The following SERPINB6 variants were observed in gnomAD, a reference collection of about 807,000 sequenced individuals.
SERPINB6 encodes serpin B6.
Under a neutral mutation model 26.1 loss-of-function variants are expected in SERPINB6, and 16 were observed. The observed-to-expected ratio is 0.61, with a 90% CI of 0.42 to 0.93. The LOEUF is 0.93. SERPINB6 is among the 40% of genes least tolerant of loss of function. The pLI, the probability that SERPINB6 is intolerant of heterozygous loss-of-function variation, is 0.00. For missense variants in SERPINB6, 420 were observed against 478.0 expected (o/e 0.88, Z 1.13); for synonymous variants, 174 against 176.6 (o/e 0.99, Z 0.11).
intron 3 of SERPINB6, chr6:2,955,233 G>C (rs983100335): frequency 7.9e-6 from 3 of 379,446 alleles, no homozygotes; most frequent in Non-Finnish European, 1.4e-5. Flanking sequence ...ACACTAAGTT[G>C]AATCAGTCTC....
chr6:2,970,154 G>C, intron 1 of SERPINB6: 5 of 985,176 alleles, frequency 5.1e-6, no homozygotes, highest in Non-Finnish European at 6.0e-6. Context: ...TCTTCCCTGG[G>C]ACCGTACAAC....
intron 2 of SERPINB6, chr6:2,957,365 C>A (rs1770616813): frequency 6.6e-6 from 1 of 152,208 alleles, no homozygotes. Context: ...GAACTATTTC[C>A]AATCCAGGAT....
chr6:2,948,214 G>A lies in SERPINB6; in HGVS notation c.*84C>T, dbSNP rs1383482061. 33 of 1,538,660 alleles carry A rather than the reference G, an allele frequency of 2.1e-5. No homozygotes were observed. Among genetic ancestry groups the A allele is most frequent in the Non-Finnish European group, 2.8e-5 (31 of 1,113,724 alleles). Reference sequence around the variant, plus strand: ...ATTTCTGAACTGCCACCACTGCACGGATAAGGCCACTTGGGTTGCAGGCAC... The same window carrying A: ...ATTTCTGAACTGCCACCACTGCACGAATAAGGCCACTTGGGTTGCAGGCAC... On this transcript the variant is annotated 3_prime_UTR_variant, in exon 7 of 7. Coordinates refer to ENST00000380539, the MANE Select transcript of SERPINB6 (RefSeq NM_004568.6). The surrounding 1 kb of genome is among the most constrained non-coding windows in gnomAD (Gnocchi z 5.0).
chr6:2,959,407 C>G (rs1770859707), intron 1 of SERPINB6, 65 bp from the exon 2 acceptor site: 1 of 1,551,872 alleles, frequency 6.4e-7, no homozygotes, highest in Admixed American at 1.7e-5. Context: ...TCTCACGCGC[C>G]TTACCGACAG....
At chr6:2,958,597 C>T (rs1247032941) in intron 2 of SERPINB6, among the ~76,000 whole-genome samples, 1 of 152,112 alleles carries the variant, frequency 6.6e-6, no homozygotes, top group African/African-American at 2.4e-5. Context: ...GGAGAAGACG[C>T]CCAGCGCCCC....
chr6:2,948,918 C>T lies in SERPINB6; in HGVS notation c.725G>A (p.Arg242Lys), dbSNP rs187482841. Residue 242 changes from arginine (R) to lysine (K), a missense_variant, in exon 6 of 7, where the codon AGA (arginine) becomes AAA (lysine). By Grantham distance (26) the Arg-to-Lys change is conservative (BLOSUM62 2). Coordinates refer to ENST00000380539, the MANE Select transcript of SERPINB6 (RefSeq NM_004568.6). This position sits in a 1 kb window ranked among gnomAD's most constrained non-coding sequence, Gnocchi z 5.0. ...IMLPDETTDL[R>K]TVEKELTYEK... ...CGCTCACAGCTTAGCTGTTACCGTT[C>T]TCAAGTCAGTGGTCTCGTCCGGAAG... The T allele has an allele frequency of 3.4e-4, 556 of 1,614,208 alleles. 5 individuals are homozygous for T. The East Asian group carries it at 9.4e-3, about 27-fold the overall frequency.
intron 1 of SERPINB6, chr6:2,966,955 T>TG (rs1470891851): frequency 3.0e-6 from 3 of 985,314 alleles, no homozygotes; most frequent in Non-Finnish European, 3.6e-6. Flanking sequence ...AAGCCTAGCT[T>TG]GGGAAAAAAA....
chr6:2,965,128 T>G (rs551369240), intron 1 of SERPINB6, among the ~76,000 whole-genome samples: 2 of 152,388 alleles, frequency 1.3e-5, no homozygotes, highest in South Asian at 2.1e-4. Context: ...CCTTTTTATG[T>G]AATGCTGATT....
chr6:2,954,699 T>C lies in SERPINB6; in HGVS notation c.323A>G (p.Asp108Gly). 1.2e-6 allele frequency: 2 copies of C among 1,613,344 alleles called. No individual in the cohort carries two copies. Among genetic ancestry groups the C allele is most frequent in the Non-Finnish European group, 1.7e-6 (2 of 1,179,418 alleles). ...TGCTTGGTAGAATTTTTGGCAGGAA[T>C]CTCTAAAAGACTAGGATAGACAGAG... ...KSCDFLSSFR[D>G]SCQKFYQAEM... The change falls in exon 4 of 7, where the codon GAT (aspartate) becomes GGT (glycine). Residue 108 changes from aspartate (D) to glycine (G), a missense_variant. Asp to Gly is a moderately conservative substitution (Grantham distance 94). Transcript: ENST00000380539.
At chr6:2,958,163 T>G (rs6911044) in intron 2 of SERPINB6, 37,340 of 152,086 alleles carry the variant, frequency 0.25, 4,979 homozygotes, top group Middle Eastern at 0.32. Flanking sequence ...CTCATGTCCT[T>G]ATAAAAAGAG....
rs773396926 is a variant in SERPINB6, at chr6:2,954,961, G to T, written c.313-252C>A. On this transcript the variant is annotated intron_variant, in intron 3 of 6. Coordinates refer to ENST00000380539, the MANE Select transcript of SERPINB6 (RefSeq NM_004568.6). ...TCCCAGCACTTTGGGGGGCCGAGGCGGGTGGATCGTGTGAGCTCAGGAGTT... is the reference window on the plus strand; with the variant it reads ...TCCCAGCACTTTGGGGGGCCGAGGCTGGTGGATCGTGTGAGCTCAGGAGTT... 21 of 450,394 alleles carry T rather than the reference G, an allele frequency of 4.7e-5. No homozygotes were observed. In the South Asian group the frequency reaches 5.0e-4, roughly 11 times the overall value. 27.9% of individuals were successfully genotyped at this position (450,394 alleles called of 1,614,324 possible). A position where few individuals can be genotyped will look rare whatever the true frequency, so the allele number is the denominator to read the frequency against.
intron 1 of SERPINB6, chr6:2,959,571 G>A (rs1186090117): frequency 1.8e-6 from 1 of 553,806 alleles, no homozygotes; most frequent in Non-Finnish European, 3.3e-6. Flanking sequence ...GTTTTGTGAG[G>A]ACTCCTCCCT....
intron 1 of SERPINB6, chr6:2,970,724 C>CAAAAA (rs70995402): frequency 1.8e-4 from 198 of 1,070,612 alleles, no homozygotes; most frequent in African/African-American, 9.2e-4. Context: ...ATCTTTAGGA[C>CAAAAA]AAAAAAAAAA....
In SERPINB6 at chr6:2,955,510, C is replaced by A. The variant is rs1770356787; in HGVS notation, c.312+14G>T. 6.2e-7 allele frequency: 1 copy of A among 1,614,158 alleles called. No individual in the cohort carries two copies. Among genetic ancestry groups the A allele is most frequent in the Non-Finnish European group, 8.5e-7 (1 of 1,180,010 alleles). On this transcript the variant is annotated intron_variant, in intron 3 of 6. Transcript: ENST00000380539. ...CCTTTATTTCTTTAGTGAATAAGAG[C>A]AAGTATGACTTACTGAGAGGAAATC...
intron 2 of SERPINB6, 188 bp from the exon 3 acceptor site, chr6:2,955,858 C>G: frequency 1.7e-6 from 1 of 574,856 alleles, no homozygotes; most frequent in South Asian, 2.0e-5. Flanking sequence ...GGGAGGATCA[C>G]CTGAGGTCAG....
In SERPINB6 at chr6:2,948,864, C is replaced by A. The variant is rs754763935; in HGVS notation, c.729+50G>T. 12 of 1,611,130 alleles carry A rather than the reference C, an allele frequency of 7.4e-6. 1 individual carries two copies. In the South Asian group the frequency reaches 1.2e-4, roughly 16 times the overall value. On this transcript the variant is annotated intron_variant, in intron 6 of 6. Transcript: ENST00000380539. The surrounding 1 kb of genome is among the most constrained non-coding windows in gnomAD (Gnocchi z 5.0). Reference sequence around the variant, plus strand: ...GTAGGGACAGCAGCCACAGCAGACACCCCCGAGTGGCTCCTTGCTAGCACG... The same window carrying A: ...GTAGGGACAGCAGCCACAGCAGACAACCCCGAGTGGCTCCTTGCTAGCACG...
chr6:2,949,079 A>T lies in SERPINB6; in HGVS notation c.574-10T>A. 1 of 1,613,702 alleles carries T rather than the reference A, an allele frequency of 6.2e-7. No homozygotes were observed. The highest frequency in any genetic ancestry group is 8.5e-7 in the Non-Finnish European group (1 of 1,179,908). ...CAGGTTTCTCCTCATTCTACAAAGA[A>T]AACAGATAAACATCAAGTTGAAACA... On this transcript the variant is annotated splice_polypyrimidine_tract_variant and intron_variant, in intron 5 of 6. Coordinates refer to ENST00000380539, the MANE Select transcript of SERPINB6 (RefSeq NM_004568.6).
chr6:2,948,164 G>T lies in SERPINB6; in HGVS notation c.*134C>A. 1.0e-6 allele frequency: 1 copy of T among 957,402 alleles called. No individual in the cohort carries two copies. Among genetic ancestry groups the T allele is most frequent in the Non-Finnish European group, 1.7e-6 (1 of 598,088 alleles). The allele number at this position is 957,402 out of a possible 1,614,324, so 59.3% of individuals were successfully genotyped here. On this transcript the variant is annotated 3_prime_UTR_variant, in exon 7 of 7. Transcript: ENST00000380539. The surrounding 1 kb of genome is among the most constrained non-coding windows in gnomAD (Gnocchi z 5.0). The stretch of plus-strand genomic sequence containing the variant: ...AGACACACAAACACACGGAGTGAAT[G>T]CGGCATCCCACAAATGGGCCCTTTA...
intron 1 of SERPINB6, chr6:2,962,043 TG>T: frequency 1.0e-6 from 1 of 985,410 alleles, no homozygotes; most frequent in South Asian, 4.7e-5. Context: ...TTAATTCAAA[TG>T]GAAATGTCCA....
Sources: allele counts gnomAD v4.1 joint callset (sites outside exome capture counted in the v4.1 genomes callset), GRCh38; gene constraint gnomAD v4.1.1; non-coding constraint Gnocchi (gnomAD v3.1); transcripts MANE v1.5; gene names NCBI Gene and HGNC (gene_info 2026-07-23, HGNC 2026-07-21).